Variants in PPM1H observed in about 807,000 individuals in gnomAD.
The protein encoded by PPM1H is protein phosphatase 1H.
In PPM1H, 27 loss-of-function variants were observed where a neutral mutation model predicts 54.9. The observed-to-expected ratio is 0.49, with a 90% CI of 0.36 to 0.68. PPM1H has a LOEUF of 0.68. Among genes scored for constraint, PPM1H ranks in the 30% least tolerant of loss-of-function variants. PPM1H has a pLI of 0.00. For missense variants in PPM1H, 596 were observed against 667.8 expected (o/e 0.89, Z 1.19); for synonymous variants, 305 against 270.8 (o/e 1.13, Z -1.24).
At chr12:62,847,843 A>G (rs748230422) in intron 1 of PPM1H, among the ~76,000 whole-genome samples, 5 of 152,332 alleles carry the variant, frequency 3.3e-5, no homozygotes, top group African/African-American at 4.8e-5. Context: ...AGCAACTGAA[A>G]AAAAAACAAA....
intron 1 of PPM1H, among the ~76,000 whole-genome samples, chr12:62,885,175 T>C (rs1008023519): frequency 6.6e-6 from 1 of 152,180 alleles, no homozygotes; most frequent in Non-Finnish European, 1.5e-5. Flanking sequence ...CCCCCATGGT[T>C]CAATGATCTC....
At chr12:62,650,694 G>A (rs866354623) in intron 9 of PPM1H, among the ~76,000 whole-genome samples, 2 of 152,106 alleles carry the variant, frequency 1.3e-5, no homozygotes, top group South Asian at 2.1e-4. Flanking sequence ...AAGGTGAAGC[G>A]AGGCATGTCT....
chr12:62,896,173 A>G (rs1198407604), intron 1 of PPM1H, among the ~76,000 whole-genome samples: 1 of 152,200 alleles, frequency 6.6e-6, no homozygotes, highest in Non-Finnish European at 1.5e-5. Flanking sequence ...CATTAAAAAA[A>G]TTGCCAGTGT....
intron 4 of PPM1H, among the ~76,000 whole-genome samples, chr12:62,758,892 T>C (rs2076490525): frequency 6.6e-6 from 1 of 152,162 alleles, no homozygotes; most frequent in African/African-American, 2.4e-5. Context: ...ACTGATGACA[T>C]TCCACCATTG....
At chr12:62,892,153 A>G (rs1032755183) in intron 1 of PPM1H, among the ~76,000 whole-genome samples, 1 of 152,218 alleles carries the variant, frequency 6.6e-6, no homozygotes, top group Non-Finnish European at 1.5e-5. Context: ...AGTTTTTATC[A>G]GCATTTCCTA....
intron 6 of PPM1H, among the ~76,000 whole-genome samples, chr12:62,703,382 T>TC (rs1384846647): frequency 6.6e-6 from 1 of 151,434 alleles, no homozygotes; most frequent in African/African-American, 2.4e-5. Context: ...GAGCCCTTTT[T>TC]TTTTTTTTTT....
At chr12:62,744,470 C>CAA (rs35852199) in intron 4 of PPM1H, among the ~76,000 whole-genome samples, 2,634 of 88,066 alleles carry the variant, frequency 0.03, 105 homozygotes, top group African/African-American at 0.096. Flanking sequence ...GACTCTGTCT[C>CAA]AAAAAAAAAA....
At chr12:62,901,349 G>A in intron 1 of PPM1H, among the ~76,000 whole-genome samples, 1 of 152,176 alleles carries the variant, frequency 6.6e-6, no homozygotes. Context: ...TCTTGAATTG[G>A]AGGAAAAGAT....
chr12:62,662,875 T>C lies in PPM1H; in HGVS notation c.1397+4303A>G, dbSNP rs74094271. Among the ~76,000 whole-genome samples the C allele has an allele frequency of 8.7e-3, 1,324 of 152,300 alleles. 19 individuals are homozygous for C. The highest frequency in any genetic ancestry group is 0.031 in the African/African-American group (1,278 of 41,572). ...GCCTCTTCTCCTCTCAAAGTAACCA[T>C]TATCTTGAATTTTGGGCCAATTTTC... On this transcript the variant is annotated intron_variant, in intron 9 of 9. Coordinates refer to ENST00000228705, the MANE Select transcript of PPM1H (RefSeq NM_020700.2).
intron 1 of PPM1H, among the ~76,000 whole-genome samples, chr12:62,932,761 A>T (rs1354095000): frequency 1.4e-5 from 2 of 148,050 alleles, no homozygotes; most frequent in African/African-American, 5.0e-5. Context: ...CAGCCTCCCG[A>T]GTAGCTGGGA....
At chr12:62,826,104 G>C (rs1268466200) in intron 2 of PPM1H, among the ~76,000 whole-genome samples, 1 of 152,284 alleles carries the variant, frequency 6.6e-6, no homozygotes, top group East Asian at 1.9e-4. Context: ...TATTTGGGAT[G>C]GCTAAGAGTT....
rs60849991 is a variant in PPM1H, at chr12:62,810,417, G to C, written c.412-8257C>G. Among the ~76,000 whole-genome samples, 1,313 of 152,236 alleles carry C rather than the reference G, an allele frequency of 8.6e-3. 20 individuals are homozygous for C. The highest frequency in any genetic ancestry group is 0.031 in the African/African-American group (1,271 of 41,556). ...GACATTGCCATCTCTGGCTGTACTT[G>C]ATTTGCTGAGCCTCGTTCCTACATA... On this transcript the variant is annotated intron_variant, in intron 2 of 9. Transcript: ENST00000228705.
rs137871942 is a variant in PPM1H at position 62,844,721 on chromosome 12, G to C, written c.246-12442C>G. 6.6e-6 allele frequency among the ~76,000 whole-genome samples: 1 copy of C among 152,218 alleles called. No individual in the cohort carries two copies. The highest frequency in any genetic ancestry group is 1.9e-4 in the East Asian group (1 of 5,176). ...CTCCCTATCTCAAATCACATAGCAC[G>C]GAGTAGGTACTCGATAAATGTTAAT... On this transcript the variant is annotated intron_variant, in intron 1 of 9. Coordinates refer to ENST00000228705, the MANE Select transcript of PPM1H (RefSeq NM_020700.2). The surrounding 1 kb of genome is among the most constrained non-coding windows in gnomAD (Gnocchi z 5.2).
intron 1 of PPM1H, among the ~76,000 whole-genome samples, chr12:62,930,068 G>A (rs558479747): frequency 7.9e-5 from 12 of 152,202 alleles, no homozygotes; most frequent in East Asian, 3.9e-4. Flanking sequence ...AAGAAATAGC[G>A]GTTTTTGTGT....
chr12:62,654,656 C>T (rs188363342), intron 9 of PPM1H, among the ~76,000 whole-genome samples: 1 of 152,308 alleles, frequency 6.6e-6, no homozygotes, highest in East Asian at 1.9e-4. Context: ...TGCCTTTTGT[C>T]CCTGGGCTGA....
intron 5 of PPM1H, among the ~76,000 whole-genome samples, chr12:62,724,919 A>T (rs1404459886): frequency 2.0e-5 from 3 of 152,218 alleles, no homozygotes; most frequent in African/African-American, 7.2e-5. Context: ...AACTGCTCTC[A>T]TCATTTTTCA....
intron 5 of PPM1H, among the ~76,000 whole-genome samples, chr12:62,731,548 C>G (rs2076321197): frequency 6.6e-6 from 1 of 152,178 alleles, no homozygotes; most frequent in South Asian, 2.1e-4. Context: ...AGGGAAACAG[C>G]AGACAAACAG....
At chr12:62,649,469 G>A (rs1191385630) in intron 9 of PPM1H, among the ~76,000 whole-genome samples, 1 of 152,180 alleles carries the variant, frequency 6.6e-6, no homozygotes. Context: ...GCCTGGGTTA[G>A]CCCTGAGGCA....
intron 1 of PPM1H, among the ~76,000 whole-genome samples, chr12:62,899,074 T>C (rs1871081585): frequency 6.6e-6 from 1 of 152,200 alleles, no homozygotes. Context: ...CAGTAATACG[T>C]GTTATTACAG....
Sources: allele counts gnomAD v4.1 joint callset (sites outside exome capture counted in the v4.1 genomes callset), GRCh38; gene constraint gnomAD v4.1.1; non-coding constraint Gnocchi (gnomAD v3.1); transcripts MANE v1.5; gene names NCBI Gene and HGNC (gene_info 2026-07-23, HGNC 2026-07-21).